The following SORBS2 variants were observed in gnomAD, a reference collection of about 807,000 sequenced individuals.
The protein encoded by SORBS2 is sorbin and SH3 domain containing 2, also known as sorbin and SH3 domain-containing protein 2.
A neutral mutation model predicts 97.7 loss-of-function variants in SORBS2; 46 were observed. The ratio of observed to expected loss-of-function variants is 0.47; its 90% CI spans 0.37 to 0.60. The LOEUF is 0.60. SORBS2 is among the 20% of genes least tolerant of loss of function. The probability of loss-of-function intolerance (pLI) is 0.00; values close to 1 mark genes in which losing one functional copy is unlikely to be tolerated. For synonymous variants in SORBS2, 476 were observed against 473.4 expected, an observed-to-expected ratio of 1.01 and a Z score of -0.07; for missense variants, 1,316 against 1,282.3, an observed-to-expected ratio of 1.03 and a Z score of -0.40.
chr4:185,611,608 G>A (rs758331980), intron 12 of SORBS2, among the ~76,000 whole-genome samples, 172 bp downstream of exon 24: 2 of 152,128 alleles, frequency 1.3e-5, no homozygotes, highest in Non-Finnish European at 2.9e-5. Flanking sequence ...ACCTATTTGA[G>A]AAACACTGAC....
chr4:185,837,348 AAT>A (rs1388825999), intron 1 of SORBS2, among the ~76,000 whole-genome samples: 1 of 152,180 alleles, frequency 6.6e-6, no homozygotes, highest in African/African-American at 2.4e-5. Flanking sequence ...CTGAACCTGA[AAT>A]ATGTTTTTGA....
At chr4:185,860,217 C>G (rs575222064) in intron 1 of SORBS2, among the ~76,000 whole-genome samples, 48 of 152,202 alleles carry the variant, frequency 3.2e-4, no homozygotes, top group Non-Finnish European at 6.8e-4. Context: ...CCCTATAAGT[C>G]TCAAAGACTG....
At chr4:185,730,978 A>T (rs1489838781) in intron 2 of SORBS2, among the ~76,000 whole-genome samples, 1 of 152,218 alleles carries the variant, frequency 6.6e-6, no homozygotes, top group Admixed American at 6.5e-5. Flanking sequence ...TTCCTCATGG[A>T]CACCATTCAA....
intron 1 of SORBS2, among the ~76,000 whole-genome samples, chr4:185,909,985 GAAAAAAAAAA>G: frequency 8.9e-6 from 1 of 112,654 alleles, no homozygotes; most frequent in East Asian, 2.5e-4. Flanking sequence ...CTCCATCTCA[GAAAAAAAAAA>G]AAAAAAAAAG....
chr4:185,624,057 T>G (rs201991347), exon 7 of SORBS2: 1 of 1,614,156 alleles, frequency 6.2e-7, no homozygotes, highest in East Asian at 2.2e-5. Context: ...TGCATTTTCT[T>G]GTACATCTTC....
chr4:185,871,589 C>A (rs2099230443), intron 1 of SORBS2, among the ~76,000 whole-genome samples: 1 of 152,212 alleles, frequency 6.6e-6, no homozygotes, highest in Admixed American at 6.5e-5. Flanking sequence ...TGGTTTCCTG[C>A]TGAAAGAGGT....
chr4:185,728,284 C>T (rs558783238), intron 2 of SORBS2, among the ~76,000 whole-genome samples: 5 of 151,948 alleles, frequency 3.3e-5, no homozygotes, highest in Non-Finnish European at 7.4e-5. Context: ...CTGGTTCTAC[C>T]GTCTGTTACT....
At chr4:185,654,807 C>CT (rs111693076) in intron 1 of SORBS2, among the ~76,000 whole-genome samples, 1 of 117,884 alleles carries the variant, frequency 8.5e-6, no homozygotes. Context: ...TTCACTATGC[C>CT]GTTTTTTCTA....
chr4:185,697,161 A>G (rs2098187443), intron 2 of SORBS2, among the ~76,000 whole-genome samples: 1 of 152,190 alleles, frequency 6.6e-6, no homozygotes, highest in African/African-American at 2.4e-5. Flanking sequence ...CTAGACAGCA[A>G]AGCATCCCCA....
At chr4:185,956,154 A>G (rs566213686) in intron 1 of SORBS2, 2 of 152,322 alleles carry the variant, frequency 1.3e-5, no homozygotes, top group East Asian at 3.9e-4. Flanking sequence ...GCTTTCCGTA[A>G]TTCTTAAGAA....
intron 1 of SORBS2, among the ~76,000 whole-genome samples, chr4:185,776,622 A>G (rs147331408): frequency 1.5e-3 from 225 of 152,110 alleles, no homozygotes; most frequent in African/African-American, 5.1e-3. Flanking sequence ...TCAGTATAAA[A>G]AACTGCCGGT....
chr4:185,887,747 T>A (rs2149793746), intron 1 of SORBS2, among the ~76,000 whole-genome samples: 1 of 152,294 alleles, frequency 6.6e-6, no homozygotes, highest in African/African-American at 2.4e-5. Context: ...TCTTCAATTA[T>A]TTGTAATTAT....
chr4:185,945,570 TC>T (rs1285733623), intron 1 of SORBS2, among the ~76,000 whole-genome samples: 1 of 152,256 alleles, frequency 6.6e-6, no homozygotes, highest in East Asian at 1.9e-4. Flanking sequence ...CTTCTAGTGT[TC>T]CACTGATTAT....
chr4:185,605,640 A>G (rs1440713826), intron 12 of SORBS2, among the ~76,000 whole-genome samples: 2 of 151,210 alleles, frequency 1.3e-5, no homozygotes, highest in Admixed American at 1.3e-4. Flanking sequence ...GCTGGAGTGC[A>G]CTGGCACGAT....
upstream of SORBS2, chr4:185,657,004 A>G (rs922234847): frequency 1.0e-6 from 1 of 977,606 alleles, no homozygotes; most frequent in Non-Finnish European, 1.3e-6. Context: ...ACACACATCT[A>G]TTTCAAAAAA....
At chr4:185,631,312 G>A (rs987993479) in intron 4 of SORBS2, among the ~76,000 whole-genome samples, 6 of 152,172 alleles carry the variant, frequency 3.9e-5, no homozygotes, top group South Asian at 2.1e-4. Context: ...CCTTCATTCT[G>A]AATAATACAC....
intron 1 of SORBS2, among the ~76,000 whole-genome samples, chr4:185,778,559 T>C (rs1163564821): frequency 6.6e-6 from 1 of 152,072 alleles, no homozygotes; most frequent in East Asian, 1.9e-4. Flanking sequence ...TATGAAGTAG[T>C]GTCTGTCATC....
intron 2 of SORBS2, among the ~76,000 whole-genome samples, chr4:185,720,561 C>T (rs988819072): frequency 6.6e-6 from 1 of 152,070 alleles, no homozygotes; most frequent in Admixed American, 6.6e-5. Context: ...TGTGTCCCTC[C>T]CTCCCTCTCT....
At chr4:185,820,667 A>C (rs141464890) in intron 1 of SORBS2, among the ~76,000 whole-genome samples, 1 of 152,306 alleles carries the variant, frequency 6.6e-6, no homozygotes, top group Non-Finnish European at 1.5e-5. Flanking sequence ...CAGCCGACAC[A>C]CAGGGCCCTT....
Sources: gnomAD v4.1 joint callset for allele counts (sites outside exome capture counted in the v4.1 genomes callset) on GRCh38, gnomAD v4.1.1 for gene constraint, MANE v1.5 for transcripts, NCBI Gene and HGNC (gene_info 2026-07-23, HGNC 2026-07-21) for gene names.